The following CLVS1 variants were observed in gnomAD, a reference collection of about 807,000 sequenced individuals.
The protein encoded by CLVS1 is clavesin 1, also known as clavesin-1.
In CLVS1, 10 loss-of-function variants were observed where a neutral mutation model predicts 33.1. The observed-to-expected ratio is 0.30, with a 90% CI of 0.19 to 0.51. CLVS1 has a LOEUF of 0.51. Among genes scored for constraint, CLVS1 ranks in the 20% least tolerant of loss-of-function variants. The pLI is 0.97. For missense variants in CLVS1, 343 were observed against 433.4 expected, an observed-to-expected ratio of 0.79 and a Z score of 1.85; for synonymous variants, 163 against 166.1, an observed-to-expected ratio of 0.98 and a Z score of 0.14.
intron 2 of CLVS1, among the ~76,000 whole-genome samples, chr8:61,373,859 G>C (rs780511252): frequency 6.6e-6 from 1 of 152,152 alleles, no homozygotes; most frequent in Non-Finnish European, 1.5e-5. Flanking sequence ...ATCTAGGCTG[G>C]GTTCAACTAG....
At chr8:61,335,062 A>C (rs1811747575) in intron 2 of CLVS1, among the ~76,000 whole-genome samples, 2 of 152,172 alleles carry the variant, frequency 1.3e-5, no homozygotes, top group African/African-American at 4.8e-5. Flanking sequence ...GCGCTGAGTC[A>C]GTTCCTGGGT....
intron 5 of CLVS1, among the ~76,000 whole-genome samples, chr8:61,475,115 AG>A (rs1817871300): frequency 6.6e-6 from 1 of 152,212 alleles, no homozygotes; most frequent in Admixed American, 6.5e-5. Flanking sequence ...GTCCCTACAA[AG>A]GACATGAACT....
intron 2 of CLVS1, among the ~76,000 whole-genome samples, chr8:61,218,650 C>A (rs115244248): frequency 1.4e-4 from 17 of 118,992 alleles, no homozygotes; most frequent in Admixed American, 5.1e-4. Context: ...AAAAAAACAA[C>A]AAGGCCAGGC....
intron 1 of CLVS1, among the ~76,000 whole-genome samples, chr8:61,059,475 CATATAT>C (rs56322834): frequency 0.11 from 5,539 of 50,306 alleles, 721 homozygotes; most frequent in African/African-American, 0.31. Flanking sequence ...TACATACATA[CATATAT>C]ATATATATAT....
intron 5 of CLVS1, among the ~76,000 whole-genome samples, chr8:61,493,532 G>T (rs1459134120): frequency 6.6e-6 from 1 of 152,122 alleles, no homozygotes; most frequent in African/African-American, 2.4e-5. Context: ...TGAGGAGGCC[G>T]AATTCACCCA....
intron 2 of CLVS1, among the ~76,000 whole-genome samples, chr8:61,321,022 C>T (rs902507956): frequency 6.6e-6 from 1 of 152,118 alleles, no homozygotes; most frequent in African/African-American, 2.4e-5. Flanking sequence ...AATTTTATAA[C>T]CATTTAAAAC....
chr8:61,296,021 T>G (rs1810195882), intron 1 of CLVS1, among the ~76,000 whole-genome samples: 1 of 152,192 alleles, frequency 6.6e-6, no homozygotes, highest in South Asian at 2.1e-4. Context: ...AAAAGTTGAA[T>G]GAGAACCAAG....
intron 2 of CLVS1, among the ~76,000 whole-genome samples, chr8:61,166,899 T>G (rs1186165351): frequency 6.6e-6 from 1 of 150,696 alleles, no homozygotes; most frequent in African/African-American, 2.4e-5. Flanking sequence ...TCTTTTTTCT[T>G]TAAGAACTTT....
chr8:61,337,225 C>A (rs1275589436), intron 2 of CLVS1, among the ~76,000 whole-genome samples: 2 of 152,146 alleles, frequency 1.3e-5, no homozygotes, highest in Non-Finnish European at 2.9e-5. Flanking sequence ...TGTTTTAGGG[C>A]AGTCCCAAGC....
At chr8:61,112,085 CA>C (rs1380242266) in intron 1 of CLVS1, among the ~76,000 whole-genome samples, 3 of 151,840 alleles carry the variant, frequency 2.0e-5, no homozygotes, top group Non-Finnish European at 4.4e-5. Context: ...TCTTTTATTT[CA>C]AATGACTGTT....
intron 3 of CLVS1, among the ~76,000 whole-genome samples, chr8:61,447,599 T>C (rs1225961224): frequency 3.9e-5 from 6 of 152,050 alleles, no homozygotes; most frequent in African/African-American, 9.6e-5. Context: ...TCATAACTTA[T>C]AGTCTTTTAT....
At chr8:61,398,844 T>C (rs1473670775) in intron 3 of CLVS1, among the ~76,000 whole-genome samples, 1 of 152,202 alleles carries the variant, frequency 6.6e-6, no homozygotes, top group Non-Finnish European at 1.5e-5. Context: ...GGATAATGGC[T>C]TCCAGCTCCA....
rs534255427 is a variant in CLVS1 at position 61,302,391 on chromosome 8, A to G, written c.455+2109A>G. Among the ~76,000 whole-genome samples the G allele has an allele frequency of 3.9e-5, 6 of 152,248 alleles. No homozygotes were observed. In the South Asian group the frequency reaches 1.0e-3, roughly 26 times the overall value. Reference sequence around the variant, plus strand: ...TAGGTCTTATGATTCATTCATCTTTATCATTCACTCAACATTCAGTGAGTA... The same window carrying G: ...TAGGTCTTATGATTCATTCATCTTTGTCATTCACTCAACATTCAGTGAGTA... On this transcript the variant is annotated intron_variant, in intron 2 of 5. Transcript: ENST00000325897.
intron 2 of CLVS1, among the ~76,000 whole-genome samples, chr8:61,279,914 TATG>T (rs1809636373): frequency 1.3e-5 from 2 of 152,212 alleles, no homozygotes; most frequent in Admixed American, 1.3e-4. Flanking sequence ...CTTCATCTAA[TATG>T]ATAGTATTTG....
intron 1 of CLVS1, chr8:61,292,120 T>G (rs1810015252): frequency 1.4e-5 from 4 of 287,038 alleles, no homozygotes; most frequent in South Asian, 3.4e-5. Flanking sequence ...AAGAAAAGTT[T>G]TTTTTTTTTT....
chr8:61,468,306 TA>T (rs1817622891), intron 5 of CLVS1, among the ~76,000 whole-genome samples: 1 of 152,206 alleles, frequency 6.6e-6, no homozygotes, highest in Admixed American at 6.5e-5. Flanking sequence ...TATTTTAGTT[TA>T]AAAAATATAA....
At chr8:61,014,564 T>A in the CLVS1 span, among the ~76,000 whole-genome samples, 39 of 152,228 alleles carry the variant, frequency 2.6e-4, no homozygotes, top group Non-Finnish European at 3.1e-4. Context: ...CTTTGAAATG[T>A]TTAAAGAAAT....
the CLVS1 span, among the ~76,000 whole-genome samples, chr8:60,998,742 T>TGTATTC: frequency 6.6e-6 from 1 of 152,036 alleles, no homozygotes; most frequent in African/African-American, 2.4e-5. Context: ...AGCAAAGCAG[T>TGTATTC]GTATTTGTAT....
At chr8:61,057,728 C>T (rs750323154) in intron 1 of CLVS1, among the ~76,000 whole-genome samples, 1 of 152,042 alleles carries the variant, frequency 6.6e-6, no homozygotes, top group African/African-American at 2.4e-5. Flanking sequence ...CTGTTTCAGT[C>T]GTAATCCTAA....
Sources: allele counts gnomAD v4.1 joint callset (sites outside exome capture counted in the v4.1 genomes callset), GRCh38; gene constraint gnomAD v4.1.1; transcripts MANE v1.5; gene names NCBI Gene and HGNC (gene_info 2026-07-23, HGNC 2026-07-21).